The following CACHD1 variants were observed in gnomAD, a reference collection of about 807,000 sequenced individuals.
CACHD1 encodes the protein cache domain containing 1.
CACHD1 carries 71 observed loss-of-function variants against 138.7 expected under a neutral mutation model. The observed-to-expected ratio is 0.51, with a 90% CI of 0.42 to 0.62. CACHD1 has a LOEUF of 0.62. Ranked by LOEUF, CACHD1 falls within the 20% of genes least tolerant of loss-of-function variation. The pLI, the probability that CACHD1 is intolerant of heterozygous loss-of-function variation, is 0.00. For synonymous variants in CACHD1, 578 were observed against 591.5 expected (o/e 0.98, Z 0.33); for missense variants, 1,389 against 1,625.3 (o/e 0.85, Z 2.50).
At chr1:64,566,955 G>A (rs1223912888) in intron 2 of CACHD1, among the ~76,000 whole-genome samples, 1 of 152,098 alleles carries the variant, frequency 6.6e-6, no homozygotes, top group Admixed American at 6.6e-5. Context: ...ATTGCAGAGA[G>A]TAAATGGTAT....
chr1:64,667,347 G>A lies in CACHD1; in HGVS notation c.2387+1180G>A, dbSNP rs79724381. Among the ~76,000 whole-genome samples, 1,160 of 152,198 alleles carry A rather than the reference G, an allele frequency of 7.6e-3. 14 individuals carry two copies. The highest frequency in any genetic ancestry group is 0.024 in the Admixed American group (364 of 15,282). ...GACATTCAGTAAAATTCCTCTTAAC[G>A]GAAGTTCATTGGGAGCAAGAATTGG... On this transcript the variant is annotated intron_variant, in intron 16 of 26. Coordinates refer to ENST00000651257, the MANE Select transcript of CACHD1 (RefSeq NM_020925.4).
At chr1:64,684,953 GCA>G (rs1650318532) in intron 26 of CACHD1, among the ~76,000 whole-genome samples, 1 of 152,132 alleles carries the variant, frequency 6.6e-6, no homozygotes. Flanking sequence ...GGGATTACAG[GCA>G]CATGCCACCA....
chr1:64,492,959 A>G (rs1355017333), intron 1 of CACHD1, among the ~76,000 whole-genome samples: 3 of 152,208 alleles, frequency 2.0e-5, no homozygotes, highest in Non-Finnish European at 4.4e-5. Context: ...CCTACCTTCA[A>G]TAGTGCCCAG....
chr1:64,554,129 T>C (rs1394405820), intron 2 of CACHD1, among the ~76,000 whole-genome samples: 1 of 152,186 alleles, frequency 6.6e-6, no homozygotes, highest in Non-Finnish European at 1.5e-5. Context: ...ACTCCTGAGC[T>C]CAAGCAATCC....
chr1:64,494,958 G>A (rs1351177488), intron 1 of CACHD1, among the ~76,000 whole-genome samples: 1 of 152,056 alleles, frequency 6.6e-6, no homozygotes, highest in Non-Finnish European at 1.5e-5. Flanking sequence ...CATTTAGTGA[G>A]CCCCATAATA....
At chr1:64,483,681 CAAAAAA>C (rs10537125) in intron 1 of CACHD1, among the ~76,000 whole-genome samples, 2 of 58,214 alleles carry the variant, frequency 3.4e-5, no homozygotes, top group South Asian at 1.4e-3. Context: ...CTGTCTCTAC[CAAAAAA>C]AAAAAAAAAA....
chr1:64,686,132 G>A (rs901528559), intron 26 of CACHD1, among the ~76,000 whole-genome samples: 6 of 152,194 alleles, frequency 3.9e-5, no homozygotes, highest in Admixed American at 2.6e-4. Context: ...GAGGAACATG[G>A]CATTGACTGG....
chr1:64,501,951 G>A (rs948649625), intron 1 of CACHD1, among the ~76,000 whole-genome samples: 23 of 152,340 alleles, frequency 1.5e-4, no homozygotes, highest in African/African-American at 5.5e-4. Flanking sequence ...TGTCATTACT[G>A]AAAAGTGTTC....
intron 26 of CACHD1, among the ~76,000 whole-genome samples, chr1:64,685,256 G>A (rs1400310149): frequency 1.3e-5 from 2 of 152,158 alleles, no homozygotes; most frequent in Non-Finnish European, 2.9e-5. Context: ...GTAACATGTG[G>A]CACAGGTTTG....
At chr1:64,641,602 T>G (rs1648715881) in intron 7 of CACHD1, among the ~76,000 whole-genome samples, 1 of 152,190 alleles carries the variant, frequency 6.6e-6, no homozygotes, top group Non-Finnish European at 1.5e-5. Flanking sequence ...TCTCCTTACC[T>G]GATGCTGCAT....
chr1:64,566,300 G>A (rs773544195), intron 2 of CACHD1, among the ~76,000 whole-genome samples: 2 of 152,116 alleles, frequency 1.3e-5, no homozygotes, highest in Admixed American at 6.5e-5. Context: ...TATGGCAGGT[G>A]CTCAGTAAAA....
intron 12 of CACHD1, among the ~76,000 whole-genome samples, 154 bp downstream of exon 12, chr1:64,654,957 T>C (rs1649217714): frequency 6.6e-6 from 1 of 152,230 alleles, no homozygotes; most frequent in South Asian, 2.1e-4. Context: ...AAGAAGACAT[T>C]CCACAGGTGT....
chr1:64,601,370 C>T (rs977328985), intron 3 of CACHD1, among the ~76,000 whole-genome samples: 1 of 152,192 alleles, frequency 6.6e-6, no homozygotes, highest in African/African-American at 2.4e-5. Flanking sequence ...CTTATTTTCC[C>T]TCCATCTGTG....
intron 23 of CACHD1, among the ~76,000 whole-genome samples, chr1:64,678,916 G>C (rs952016950): frequency 1.3e-5 from 2 of 151,992 alleles, no homozygotes; most frequent in Admixed American, 1.3e-4. Context: ...TAGCACCAAG[G>C]CCTAATTCTT....
chr1:64,676,850 T>C, intron 21 of CACHD1, 45 bp from the exon 22 acceptor site: 1 of 1,485,764 alleles, frequency 6.7e-7, no homozygotes, highest in Non-Finnish European at 9.3e-7. Flanking sequence ...GAGTTTGGAA[T>C]GTGGGCGGTG....
intron 2 of CACHD1, among the ~76,000 whole-genome samples, chr1:64,578,176 C>T (rs754061687): frequency 4.6e-5 from 7 of 152,226 alleles, no homozygotes; most frequent in African/African-American, 7.2e-5. Context: ...GGCACCGCAG[C>T]GAGTGCATGA....
chr1:64,510,733 G>A (rs1646414364), intron 1 of CACHD1, among the ~76,000 whole-genome samples: 1 of 152,158 alleles, frequency 6.6e-6, no homozygotes, highest in African/African-American at 2.4e-5. Context: ...ACCAGAAATT[G>A]CCAGAGAGAT....
At chr1:64,639,288 T>G (rs935037620) in intron 7 of CACHD1, among the ~76,000 whole-genome samples, 2 of 152,248 alleles carry the variant, frequency 1.3e-5, no homozygotes, top group African/African-American at 4.8e-5. Flanking sequence ...TTTTTGTTTT[T>G]GTATTTTTCA....
chr1:64,495,684 A>G (rs576487599), intron 1 of CACHD1, among the ~76,000 whole-genome samples: 4 of 98,664 alleles, frequency 4.1e-5, no homozygotes, highest in African/African-American at 1.4e-4. Context: ...CCAAGCTAAG[A>G]GAATTACTTT....
Sources: allele counts gnomAD v4.1 joint callset (sites outside exome capture counted in the v4.1 genomes callset), GRCh38; gene constraint gnomAD v4.1.1; transcripts MANE v1.5; gene names NCBI Gene and HGNC (gene_info 2026-07-23, HGNC 2026-07-21).